The following TEX101 variants were observed in gnomAD, a reference collection of about 807,000 sequenced individuals.
TEX101 encodes testis-expressed protein 101.
In TEX101, 10 loss-of-function variants were observed where a neutral mutation model predicts 18.1. That is an observed-to-expected ratio of 0.55 (90% CI 0.34 to 0.94). The LOEUF is 0.94. TEX101 is among the 40% of genes least tolerant of loss of function. The pLI, the probability that TEX101 is intolerant of heterozygous loss-of-function variation, is 0.02. For missense variants in TEX101, 259 were observed against 298.9 expected, an observed-to-expected ratio of 0.87 and a Z score of 0.98; for synonymous variants, 94 against 114.8, an observed-to-expected ratio of 0.82 and a Z score of 1.16.
intron 5 of TEX101, 38 bp downstream of exon 5, chr19:43,418,044 G>GA: frequency 6.2e-7 from 1 of 1,613,952 alleles, no homozygotes; most frequent in Non-Finnish European, 8.5e-7. Flanking sequence ...TCAGAGGCTG[G>GA]AAAACCATTT....
chr19:43,416,481 G>C lies in TEX101; in HGVS notation c.317G>C (p.Ser106Thr), dbSNP rs1485084028. ...CCCGGCCTGATCGTGACCTCCTACA[G>C]TAACTACTGTGAGGATTCCTTCTGT... is the stretch of plus-strand genomic sequence containing the variant. ...SPPGLIVTSY[S>T]NYCEDSFCND... is the part of the protein sequence containing the mutation. The change falls in exon 4 of 6, where the codon AGT (serine) becomes ACT (threonine). Residue 106 changes from serine (S) to threonine (T), a missense_variant. By Grantham distance (58) the Ser-to-Thr change is moderately conservative. Coordinates refer to ENST00000598265, the MANE Select transcript of TEX101 (RefSeq NM_001130011.3). 5 of 1,614,048 alleles carry C rather than the reference G, an allele frequency of 3.1e-6. No individual in the cohort carries two copies. The Admixed American group carries it at 8.3e-5, about 27-fold the overall frequency.
At position 43,415,947 on chromosome 19, in the gene TEX101, C is replaced by T. The variant is rs1970470551; in HGVS notation, c.28C>T (p.Leu10=). ...GGGAACCCCTCGTATCCAGCATTTGCTGATCCTCCTGGTCCTAGGAGCCTC... is the reference window on the plus strand; with the variant it reads ...GGGAACCCCTCGTATCCAGCATTTGTTGATCCTCCTGGTCCTAGGAGCCTC... MGTPRIQHL[L]ILLVLGASLL... The change falls in exon 2 of 6, where the codon CTG becomes TTG. Residue 10 remains leucine, a synonymous_variant. Transcript: ENST00000598265. The T allele has an allele frequency of 1.2e-6, 2 of 1,614,078 alleles. No homozygotes were observed. The highest frequency in any genetic ancestry group is 1.7e-6 in the Non-Finnish European group (2 of 1,180,044).
chr19:43,415,911 GA>G lies in TEX101; in HGVS notation c.-7del. Reference sequence around the variant, plus strand: ...GACCAGCTCCTCCCAGACCTCTCCAGAAGAAGCCATGGGAACCCCTCGTATC... The same window carrying G: ...GACCAGCTCCTCCCAGACCTCTCCAGAGAAGCCATGGGAACCCCTCGTATC... On this transcript the variant is annotated 5_prime_UTR_variant, in exon 2 of 6. Coordinates refer to ENST00000598265, the MANE Select transcript of TEX101 (RefSeq NM_001130011.3). The G allele has an allele frequency of 6.2e-7, 1 of 1,614,118 alleles. No individual in the cohort carries two copies. The highest frequency in any genetic ancestry group is 8.5e-7 in the Non-Finnish European group (1 of 1,180,024).
At chr19:43,397,274 C>A (rs1970275661), upstream of TEX101, among the ~76,000 whole-genome samples, 3 of 152,126 alleles carry the variant, frequency 2.0e-5, no homozygotes, top group African/African-American at 7.2e-5. Flanking sequence ...AGGTCACTCA[C>A]ATGGCTGACA....
intron 3 of TEX101, among the ~76,000 whole-genome samples, chr19:43,407,499 GAAGA>G (rs1307672058): frequency 1.3e-5 from 2 of 150,968 alleles, no homozygotes; most frequent in Non-Finnish European, 3.0e-5. Context: ...AAAAAAAAAG[GAAGA>G]AAGAAGAAAA....
rs775033158 is a variant in TEX101 at position 43,418,212 on chromosome 19, ATTGGCTGCAGGCTGATGTC to A, written c.567_585del (p.Ile189MetfsTer4). 10 of 1,614,030 alleles carry A rather than the reference ATTGGCTGCAGGCTGATGTC, an allele frequency of 6.2e-6. No homozygotes were observed. Among genetic ancestry groups the A allele is most frequent in the Non-Finnish European group, 8.5e-6 (10 of 1,180,028 alleles). On this transcript the variant is annotated frameshift_variant, in exon 6 of 6. Coordinates refer to ENST00000598265, the MANE Select transcript of TEX101 (RefSeq NM_001130011.3). LOFTEE classifies it low-confidence loss of function (END_TRUNC). ...GGAGGTCAAAGGCTGTACAGCCATGATTGGCTGCAGGCTGATGTCTGGAATCTTAGCAGTAGGACCCATG... is the reference window on the plus strand; with the variant it reads ...GGAGGTCAAAGGCTGTACAGCCATGATGGAATCTTAGCAGTAGGACCCATG...
rs763972247 is a variant in TEX101 at position 43,418,279 on chromosome 19, A to G, written c.632A>G (p.His211Arg). The change falls in exon 6 of 6, where the codon CAT (histidine) becomes CGT (arginine). Residue 211 changes from histidine (H) to arginine (R), a missense_variant. His to Arg is a conservative substitution (Grantham distance 29). Transcript: ENST00000598265. ...ATGTTTGTGAGGGAAGCGTGCCCAC[A>G]TCAGCTGCTCACTCAACCTCGAAAG... ...GPMFVREACP[H>R]QLLTQPRKTE... 5.6e-6 allele frequency: 9 copies of G among 1,614,156 alleles called. No homozygotes were observed. The highest frequency in any genetic ancestry group is 3.3e-5 in the Admixed American group (2 of 60,022).
the TEX101 span, among the ~76,000 whole-genome samples, chr19:43,391,984 A>C: frequency 2.5e-4 from 38 of 152,112 alleles, no homozygotes; most frequent in Non-Finnish European, 4.0e-4. Context: ...TAAGCACAGA[A>C]CCCTGCTGGC....
chr19:43,414,894 G>T lies in TEX101; in HGVS notation c.-184G>T. 1.0e-6 allele frequency: 1 copy of T among 985,522 alleles called. No homozygotes were observed. The highest frequency in any genetic ancestry group is 1.2e-6 in the Non-Finnish European group (1 of 829,972). 61.0% of individuals were successfully genotyped at this position (985,522 alleles called of 1,614,324 possible). On this transcript the variant is annotated 5_prime_UTR_variant, in exon 1 of 6. Coordinates refer to ENST00000598265, the MANE Select transcript of TEX101 (RefSeq NM_001130011.3). ...GCTGGCCCGGCCTTGCGTCGTAAGAGAATGCCAAGCCCGGGGAGAAGGCGT... is the reference window on the plus strand; with the variant it reads ...GCTGGCCCGGCCTTGCGTCGTAAGATAATGCCAAGCCCGGGGAGAAGGCGT...
chr19:43,397,824 A>T (rs1327835333), upstream of TEX101, among the ~76,000 whole-genome samples: 10 of 109,606 alleles, frequency 9.1e-5, no homozygotes, highest in Admixed American at 7.0e-4. Flanking sequence ...TAAATATATA[A>T]AAATATATAT....
chr19:43,416,526 C>G lies in TEX101; in HGVS notation c.362C>G (p.Ser121Cys). 2.5e-6 allele frequency: 4 copies of G among 1,613,978 alleles called. No individual in the cohort carries two copies. Among genetic ancestry groups the G allele is most frequent in the Non-Finnish European group, 3.4e-6 (4 of 1,179,928 alleles). The change falls in exon 4 of 6, where the codon TCT (serine) becomes TGT (cysteine). Residue 121 changes from serine (S) to cysteine (C), a missense_variant. Ser to Cys is a moderately radical substitution (Grantham distance 112, BLOSUM62 -1). Transcript: ENST00000598265. ...DSFCNDKDSLSQFWEFSETTA... is the reference protein window; with the variant it reads ...DSFCNDKDSLCQFWEFSETTA... ...TTCTGTAATGACAAAGACAGCCTGT[C>G]TCAGTTTTGGGAGTTCAGTGAGACC...
At position 43,403,662 on chromosome 19, in the gene TEX101, TA is replaced by T. The variant is rs956796096; in HGVS notation, c.-283+814del. Among the ~76,000 whole-genome samples the T allele has an allele frequency of 1.3e-3, 188 of 145,164 alleles. 1 individual carries two copies. The highest frequency in any genetic ancestry group is 1.5e-3 in the African/African-American group (58 of 39,694). On this transcript the variant is annotated intron_variant, in intron 2 of 7. Coordinates refer to the TEX101 transcript ENST00000602198. ...ATAAACTAAATGTTCTAATTGATTT[TA>T]AAAAAAAAAAGGAAAAAGAAAAAGA...
upstream of TEX101, among the ~76,000 whole-genome samples, chr19:43,399,802 A>ATTT (rs71169230): frequency 2.6e-5 from 3 of 113,282 alleles, no homozygotes. Context: ...CCTATGTCCT[A>ATTT]TTTTTTTTTT....
chr19:43,413,496 C>CA (rs71169233), upstream of TEX101, among the ~76,000 whole-genome samples: 23 of 133,732 alleles, frequency 1.7e-4, no homozygotes, highest in African/African-American at 3.3e-4. Flanking sequence ...AGGGAGACTC[C>CA]AAAAAAAAAA....
chr19:43,390,460 C>CTTTTTT, the TEX101 span, among the ~76,000 whole-genome samples: 141 of 49,860 alleles, frequency 2.8e-3, 22 homozygotes, highest in Middle Eastern at 0.059. Flanking sequence ...CTTTTTTTTT[C>CTTTTTT]TTTTTTTTTT....
upstream of TEX101, among the ~76,000 whole-genome samples, chr19:43,401,067 C>G (rs116248607): frequency 7.6e-3 from 1,162 of 152,238 alleles, 20 homozygotes; most frequent in African/African-American, 0.027. Context: ...AAGTCTGCAC[C>G]TTCCATCATG....
the TEX101 span, among the ~76,000 whole-genome samples, chr19:43,391,729 C>T: frequency 6.6e-6 from 1 of 152,118 alleles, no homozygotes; most frequent in Admixed American, 6.5e-5. Flanking sequence ...TGACCCAGTT[C>T]TCTATGGATA....
At chr19:43,414,317 G>T (rs909125578), upstream of TEX101, among the ~76,000 whole-genome samples, 1 of 152,160 alleles carries the variant, frequency 6.6e-6, no homozygotes, top group African/African-American at 2.4e-5. Context: ...TGCATTCGGG[G>T]TGCCCAAAGT....
chr19:43,412,371 C>T (rs1204668203), upstream of TEX101, among the ~76,000 whole-genome samples: 3 of 152,182 alleles, frequency 2.0e-5, no homozygotes, highest in African/African-American at 7.2e-5. Flanking sequence ...GGATCTGCCC[C>T]CATAACCCAA....
Sources: allele counts gnomAD v4.1 joint callset (sites outside exome capture counted in the v4.1 genomes callset), GRCh38; gene constraint gnomAD v4.1.1; transcripts MANE v1.5; gene names NCBI Gene and HGNC (gene_info 2026-07-23, HGNC 2026-07-21).